The following AKAP19 variants were observed in gnomAD, a reference collection of about 807,000 sequenced individuals.
AKAP19 encodes small A-kinase anchoring protein.
chr2:189,907,376 A>G, the AKAP19 span, among the ~76,000 whole-genome samples: 2 of 152,110 alleles, frequency 1.3e-5, no homozygotes, highest in African/African-American at 2.4e-5. Context: ...TCCTTCTGGA[A>G]TGCTCTTCCT....
chr2:190,025,177 C>T, the AKAP19 span, among the ~76,000 whole-genome samples: 12 of 152,176 alleles, frequency 7.9e-5, no homozygotes, highest in Non-Finnish European at 1.3e-4. Flanking sequence ...TTCATTAATG[C>T]TGTTTGCTAA....
At chr2:190,038,907 C>CTTTCT in the AKAP19 span, among the ~76,000 whole-genome samples, 45 of 75,942 alleles carry the variant, frequency 5.9e-4, no homozygotes, top group African/African-American at 2.6e-3. Flanking sequence ...TTTCTTTCTT[C>CTTTCT]TTCTTCTTCT....
At chr2:190,166,511 A>T in the AKAP19 span, among the ~76,000 whole-genome samples, 1 of 152,096 alleles carries the variant, frequency 6.6e-6, no homozygotes, top group East Asian at 1.9e-4. Flanking sequence ...ACTCATGAAC[A>T]TAATACAAAA....
the AKAP19 span, among the ~76,000 whole-genome samples, chr2:190,005,308 A>G: frequency 6.6e-6 from 1 of 152,114 alleles, no homozygotes; most frequent in Non-Finnish European, 1.5e-5. Flanking sequence ...TGATTGGTCC[A>G]TTTTACAGAG....
the AKAP19 span, among the ~76,000 whole-genome samples, chr2:189,919,533 C>T: frequency 6.6e-6 from 1 of 151,804 alleles, no homozygotes; most frequent in African/African-American, 2.4e-5. Context: ...CGTCTAAGTT[C>T]CCTCCCCTTA....
chr2:189,901,603 G>C, the AKAP19 span, among the ~76,000 whole-genome samples: 23 of 152,152 alleles, frequency 1.5e-4, no homozygotes, highest in Non-Finnish European at 3.4e-4. Context: ...CTCCCAAAGT[G>C]CTGGGATTAC....
the AKAP19 span, among the ~76,000 whole-genome samples, chr2:189,920,302 A>T: frequency 5.9e-5 from 9 of 152,208 alleles, no homozygotes; most frequent in Non-Finnish European, 1.5e-5. Context: ...TATCATTCTC[A>T]ATATGTAACT....
chr2:189,976,098 T>C, the AKAP19 span, among the ~76,000 whole-genome samples: 2 of 152,158 alleles, frequency 1.3e-5, no homozygotes, highest in African/African-American at 4.8e-5. Flanking sequence ...TTTTTCCCCA[T>C]CTTTGTGGTT....
At chr2:190,138,427 G>A in the AKAP19 span, among the ~76,000 whole-genome samples, 7 of 152,142 alleles carry the variant, frequency 4.6e-5, no homozygotes, top group Non-Finnish European at 7.4e-5. Context: ...AGTACTTCCC[G>A]ATACTCCTAG....
At chr2:189,988,283 G>A in the AKAP19 span, among the ~76,000 whole-genome samples, 4 of 152,292 alleles carry the variant, frequency 2.6e-5, no homozygotes, top group Non-Finnish European at 5.9e-5. Flanking sequence ...AAAGAACCCC[G>A]TAAAACTTTG....
the AKAP19 span, among the ~76,000 whole-genome samples, chr2:190,153,106 A>G: frequency 6.3e-4 from 96 of 152,310 alleles, no homozygotes; most frequent in African/African-American, 1.5e-3. Context: ...CGTGTTAGCT[A>G]GGATGGTCTC....
the AKAP19 span, among the ~76,000 whole-genome samples, chr2:190,041,470 T>C: frequency 6.6e-6 from 1 of 152,168 alleles, no homozygotes; most frequent in Non-Finnish European, 1.5e-5. Flanking sequence ...CAAACAGTGA[T>C]AGTTTGATGT....
the AKAP19 span, among the ~76,000 whole-genome samples, chr2:190,196,682 A>C: frequency 6.6e-6 from 1 of 151,906 alleles, no homozygotes; most frequent in African/African-American, 2.4e-5. Flanking sequence ...CTTGTTAAAG[A>C]GGATTATTTC....
At chr2:189,938,342 A>C in the AKAP19 span, among the ~76,000 whole-genome samples, 1 of 152,136 alleles carries the variant, frequency 6.6e-6, no homozygotes, top group Non-Finnish European at 1.5e-5. Context: ...TCTCCAAAAA[A>C]AAAAAAAAAA....
chr2:190,157,365 T>TACACACAC, the AKAP19 span, among the ~76,000 whole-genome samples: 11,484 of 116,950 alleles, frequency 0.098, 579 homozygotes, highest in South Asian at 0.21. Context: ...CCTAAACTTG[T>TACACACAC]ATACACACAC....
At chr2:190,099,532 C>G in the AKAP19 span, among the ~76,000 whole-genome samples, 1 of 152,194 alleles carries the variant, frequency 6.6e-6, no homozygotes, top group East Asian at 1.9e-4. Context: ...ATCACCATAA[C>G]AGATATAATA....
chr2:189,934,305 G>A, the AKAP19 span, among the ~76,000 whole-genome samples: 17 of 152,026 alleles, frequency 1.1e-4, no homozygotes, highest in Middle Eastern at 0.014. Context: ...TTCCATTTAC[G>A]TCATTTGTAA....
the AKAP19 span, among the ~76,000 whole-genome samples, chr2:190,024,608 T>C: frequency 6.6e-6 from 1 of 152,064 alleles, no homozygotes; most frequent in South Asian, 2.1e-4. Flanking sequence ...AGCACACATA[T>C]ATCATTTGTT....
At chr2:189,904,075 ACTTTC>A in the AKAP19 span, among the ~76,000 whole-genome samples, 5 of 122,764 alleles carry the variant, frequency 4.1e-5, no homozygotes, top group African/African-American at 1.9e-4. Flanking sequence ...TTCAAAATTT[ACTTTC>A]TTTGATTTAT....
Sources: gnomAD v4.1 joint callset for allele counts (sites outside exome capture counted in the v4.1 genomes callset) on GRCh38, gnomAD v4.1.1 for gene constraint, MANE v1.5 for transcripts, NCBI Gene and HGNC (gene_info 2026-07-23, HGNC 2026-07-21) for gene names.